The following YIF1B variants were observed in gnomAD, a reference collection of about 807,000 sequenced individuals.
YIF1B encodes the protein Yip1 interacting factor homolog B, membrane trafficking protein.
YIF1B carries 24 observed loss-of-function variants against 34.6 expected under a neutral mutation model. The ratio of observed to expected loss-of-function variants is 0.69; its 90% CI spans 0.50 to 0.98. The LOEUF is 0.98. YIF1B is among the 50% of genes least tolerant of loss of function. The pLI is 0.00. For missense variants in YIF1B, 368 were observed against 429.4 expected, an observed-to-expected ratio of 0.86 and a Z score of 1.26; for synonymous variants, 186 against 184.8, an observed-to-expected ratio of 1.01 and a Z score of -0.05.
chr19:38,320,106 G>T, upstream of YIF1B: 1 of 1,569,688 alleles, frequency 6.4e-7, no homozygotes, highest in Non-Finnish European at 8.6e-7. Context: ...AGCGCAGCCC[G>T]TGTGTGGCTG....
upstream of YIF1B, among the ~76,000 whole-genome samples, chr19:38,316,656 G>T (rs181309771): frequency 2.8e-4 from 42 of 152,194 alleles, no homozygotes; most frequent in Non-Finnish European, 4.9e-4. Flanking sequence ...AGTTGTAGGG[G>T]CTTATACAAT....
At chr19:38,315,586 C>T in intron 1 of YIF1B, 2 of 1,489,142 alleles carry the variant, frequency 1.3e-6, no homozygotes, top group Admixed American at 4.2e-5. Flanking sequence ...GGGTGGGGAG[C>T]AGGGAAGGGC....
upstream of YIF1B, among the ~76,000 whole-genome samples, chr19:38,318,780 G>A (rs1397628994): frequency 1.3e-5 from 2 of 152,176 alleles, no homozygotes; most frequent in African/African-American, 2.4e-5. Flanking sequence ...CCACTCCTCT[G>A]CCAGTCGGAT....
intron 5 of YIF1B, among the ~76,000 whole-genome samples, chr19:38,307,966 CAGGGGGCTGTGCTGACAGTCAG>C (rs1969136213): frequency 6.6e-6 from 1 of 152,220 alleles, no homozygotes. Flanking sequence ...GCTGGAGTCA[CAGGGGGCTGTGCTGACAGTCAG>C]GAGACAGGTG....
chr19:38,311,651 G>C (rs1214327074), intron 1 of YIF1B, among the ~76,000 whole-genome samples: 1 of 152,196 alleles, frequency 6.6e-6, no homozygotes, highest in Non-Finnish European at 1.5e-5. Flanking sequence ...ATGAGGGGTG[G>C]GCAGGGAAGG....
chr19:38,308,169 G>A (rs74735355), intron 5 of YIF1B, among the ~76,000 whole-genome samples: 1,731 of 152,336 alleles, frequency 0.011, 23 homozygotes, highest in Non-Finnish European at 0.019. Flanking sequence ...AGCAAGAGGA[G>A]GGGCCTGATC....
rs376727447 is a variant in YIF1B, at chr19:38,305,287, A to T, written c.*65T>A. On this transcript the variant is annotated 3_prime_UTR_variant, in exon 8 of 8. Transcript: ENST00000339413. ...GGACCTTGGGGCCTGCAGGCAGGAGATGAGTTCGGCGGCCACAGTGGCCCC... is the reference window on the plus strand; with the variant it reads ...GGACCTTGGGGCCTGCAGGCAGGAGTTGAGTTCGGCGGCCACAGTGGCCCC... 2,860 of 1,556,790 alleles carry T rather than the reference A, an allele frequency of 1.8e-3. 72 individuals are homozygous for T. The South Asian group carries it at 0.03, about 16-fold the overall frequency.
In YIF1B at chr19:38,312,763, G is replaced by A. The variant is rs1969374196; in HGVS notation, c.58+3097C>T. Among the ~76,000 whole-genome samples the A allele has an allele frequency of 2.0e-5, 3 of 152,124 alleles. No homozygotes were observed. The South Asian group carries it at 6.2e-4, about 32-fold the overall frequency. On this transcript the variant is annotated intron_variant, in intron 1 of 7. Transcript: ENST00000339413. Reference sequence around the variant, plus strand: ...CTGTCCCACCTTGCAGAGCTGTTGTGACACTCATAAACTCCTTGGCCCCAC... The same window carrying A: ...CTGTCCCACCTTGCAGAGCTGTTGTAACACTCATAAACTCCTTGGCCCCAC...
intron 3 of YIF1B, 46 bp from the exon 4 acceptor site, chr19:38,309,103 C>A (rs759856283): frequency 3.9e-6 from 6 of 1,557,484 alleles, no homozygotes; most frequent in Non-Finnish European, 5.2e-6. Context: ...CCAGGCCCCT[C>A]CCACCCTGCT....
At chr19:38,320,003 T>C (rs1463588992), upstream of YIF1B, 1 of 1,487,510 alleles carries the variant, frequency 6.7e-7, no homozygotes. Flanking sequence ...GCCGCGTACC[T>C]GGTGCTGGGC....
Position 38,305,165 on chromosome 19 carries a change from CG to C in YIF1B, c.*186del. Reference sequence around the variant, plus strand: ...CTGTAACAGCGGCCACGCCCTGGGGCGGTGGCCTGTGCAGCTGGAGATCTCT... The same window carrying C: ...CTGTAACAGCGGCCACGCCCTGGGGCGTGGCCTGTGCAGCTGGAGATCTCT... On this transcript the variant is annotated 3_prime_UTR_variant, in exon 8 of 8. Transcript: ENST00000339413. The C allele has an allele frequency of 7.6e-7, 1 of 1,308,324 alleles. No homozygotes were observed. Among genetic ancestry groups the C allele is most frequent in the Non-Finnish European group, 1.0e-6 (1 of 977,510 alleles). The allele number at this position is 1,308,324 out of a possible 1,614,324, so 81.0% of individuals were successfully genotyped here.
intron 1 of YIF1B, among the ~76,000 whole-genome samples, chr19:38,313,045 G>C (rs570703967): frequency 6.6e-6 from 1 of 151,834 alleles, no homozygotes; most frequent in Non-Finnish European, 1.5e-5. Context: ...TCCACCTCCC[G>C]GGTTCAAGCA....
chr19:38,319,724 G>A, upstream of YIF1B: 1 of 497,302 alleles, frequency 2.0e-6, no homozygotes, highest in Non-Finnish European at 3.5e-6. Context: ...GGAGCACTGG[G>A]CTCCACCCTC....
chr19:38,307,322 C>G, intron 7 of YIF1B, 106 bp downstream of exon 7: 1 of 1,280,916 alleles, frequency 7.8e-7, no homozygotes, highest in Non-Finnish European at 1.1e-6. Flanking sequence ...CTCAGTTCAG[C>G]AATGTGTCTC....
Position 38,305,086 on chromosome 19 carries a change from T to C in YIF1B, c.*266A>G. The C allele has an allele frequency of 4.7e-6, 7 of 1,496,806 alleles. No individual in the cohort carries two copies. Among genetic ancestry groups the C allele is most frequent in the Non-Finnish European group, 5.4e-6 (6 of 1,118,700 alleles). The allele number at this position is 1,496,806 out of a possible 1,614,324, so 92.7% of individuals were successfully genotyped here. ...GCCCAGCGCTGGGCCCGCCCATTCG[T>C]GCGCGAGGCCAAGGAGAGGCTGTCC... On this transcript the variant is annotated 3_prime_UTR_variant, in exon 8 of 8. Transcript: ENST00000339413.
intron 5 of YIF1B, among the ~76,000 whole-genome samples, chr19:38,308,319 G>C (rs1181106742): frequency 6.6e-6 from 1 of 152,078 alleles, no homozygotes; most frequent in African/African-American, 2.4e-5. Context: ...CCAGGAGACA[G>C]TGCCAGCCCT....
At position 38,304,787 on chromosome 19, in the gene YIF1B, G is replaced by C. The variant is rs1968918392; in HGVS notation, c.*565C>G. ...GGAGGGTGCGGGGAGTGGTCCCCCT[G>C]TCTCGCTTCCAGCCCAGAACCATCT... is the stretch of plus-strand genomic sequence containing the variant. On this transcript the variant is annotated 3_prime_UTR_variant, in exon 8 of 8. Transcript: ENST00000339413. 7 of 1,612,714 alleles carry C rather than the reference G, an allele frequency of 4.3e-6. No homozygotes were observed. The highest frequency in any genetic ancestry group is 5.9e-6 in the Non-Finnish European group (7 of 1,179,256).
At chr19:38,308,742 A>T (rs1178097987) in intron 5 of YIF1B, 50 bp downstream of exon 5, 1 of 1,611,288 alleles carries the variant, frequency 6.2e-7, no homozygotes. Flanking sequence ...CTGACCAACC[A>T]TGGGCCTCCC....
chr19:38,309,862 A>G (rs570305245), intron 1 of YIF1B: 1 of 1,413,292 alleles, frequency 7.1e-7, no homozygotes, highest in Non-Finnish European at 9.2e-7. Flanking sequence ...TGATACATTC[A>G]TCTATGCATC....
Sources: gnomAD v4.1 joint callset for allele counts (sites outside exome capture counted in the v4.1 genomes callset) on GRCh38, gnomAD v4.1.1 for gene constraint, MANE v1.5 for transcripts, NCBI Gene and HGNC (gene_info 2026-07-23, HGNC 2026-07-21) for gene names.